AGAP1: variants seen among roughly 807,000 people sequenced by gnomAD.
AGAP1 encodes ArfGAP with GTPase domain, ankyrin repeat and PH domain 1, also known as arf-GAP with GTPase, ANK repeat and PH domain-containing protein 1.
AGAP1 carries 29 observed loss-of-function variants against 105.3 expected under a neutral mutation model. The ratio of observed to expected loss-of-function variants is 0.28; its 90% CI spans 0.21 to 0.38. The LOEUF is 0.38. AGAP1 is among the 10% of genes least tolerant of loss of function. AGAP1 has a pLI of 1.00. For synonymous variants in AGAP1, 509 were observed against 485.9 expected (o/e 1.05, Z -0.63); for missense variants, 998 against 1,165.1 (o/e 0.86, Z 2.09).
chr2:236,094,139 C>A (rs148278230), intron 16 of AGAP1, among the ~76,000 whole-genome samples: 98 of 152,234 alleles, frequency 6.4e-4, no homozygotes, highest in African/African-American at 2.2e-3. Flanking sequence ...CGAACAACTT[C>A]AGTCTTTTGA....
rs914691196 is a variant in AGAP1, at chr2:235,690,929, G to A, written c.164-18250G>A. ...TCGGATCTGGCCTGAGGGTTTGGCA[G>A]GGATTCGTGGCTGCTATTTTAGATA... is the stretch of plus-strand genomic sequence containing the variant. On this transcript the variant is annotated intron_variant, in intron 1 of 17. Transcript: ENST00000304032. The surrounding 1 kb of genome is among the most constrained non-coding windows in gnomAD (Gnocchi z 4.1). 6.6e-5 allele frequency among the ~76,000 whole-genome samples: 10 copies of A among 152,170 alleles called. No individual in the cohort carries two copies. Among genetic ancestry groups the A allele is most frequent in the African/African-American group, 2.4e-4 (10 of 41,450 alleles).
rs2051246689 is a variant in AGAP1, at chr2:235,905,214, A to C, written c.1156-3524A>C. ...GCTTAGTCACTATCTGATTAGCCTC[A>C]TTTTAGAGCCCATAAGCAATAAATG... On this transcript the variant is annotated intron_variant, in intron 10 of 17. Coordinates refer to ENST00000304032, the MANE Select transcript of AGAP1 (RefSeq NM_001037131.3). This position sits in a 1 kb window ranked among gnomAD's most constrained non-coding sequence, Gnocchi z 4.2. Among the ~76,000 whole-genome samples the C allele has an allele frequency of 6.6e-6, 1 of 152,220 alleles. No homozygotes were observed. Among genetic ancestry groups the C allele is most frequent in the Non-Finnish European group, 1.5e-5 (1 of 68,038 alleles).
chr2:235,546,268 C>T (rs895351924), intron 1 of AGAP1, among the ~76,000 whole-genome samples: 10 of 152,196 alleles, frequency 6.6e-5, no homozygotes, highest in Admixed American at 3.9e-4. Flanking sequence ...CCAGCAGGCC[C>T]GCAGGCCCTC....
Position 235,882,982 on chromosome 2 carries a change from T to G in AGAP1, c.1051-363T>G, listed in dbSNP as rs919071519. On this transcript the variant is annotated intron_variant, in intron 9 of 17. Coordinates refer to ENST00000304032, the MANE Select transcript of AGAP1 (RefSeq NM_001037131.3). This position sits in a 1 kb window ranked among gnomAD's most constrained non-coding sequence, Gnocchi z 4.6. ...AGCACACCACCGTGCCCAGCTAATT[T>G]TATTTATTTATTTATTTTTTTAGAG... Among the ~76,000 whole-genome samples, 2 of 151,030 alleles carry G rather than the reference T, an allele frequency of 1.3e-5. No individual in the cohort carries two copies. The highest frequency in any genetic ancestry group is 3.0e-5 in the Non-Finnish European group (2 of 67,482).
intron 1 of AGAP1, among the ~76,000 whole-genome samples, chr2:235,603,886 G>A (rs1705924922): frequency 1.3e-5 from 2 of 152,150 alleles, no homozygotes; most frequent in African/African-American, 4.8e-5. Flanking sequence ...AGAAAGGAAT[G>A]CGTCCATCAG....
At chr2:235,534,151 T>G (rs1943133658) in intron 1 of AGAP1, among the ~76,000 whole-genome samples, 1 of 152,138 alleles carries the variant, frequency 6.6e-6, no homozygotes, top group Non-Finnish European at 1.5e-5. Context: ...CAGCGTGGCG[T>G]GTTCGGATTG....
At chr2:235,774,858 C>G (rs1211398192) in intron 6 of AGAP1, among the ~76,000 whole-genome samples, 1 of 152,168 alleles carries the variant, frequency 6.6e-6, no homozygotes, top group Non-Finnish European at 1.5e-5. Flanking sequence ...TGATTGGCGC[C>G]TGCATTCACT....
intron 13 of AGAP1, among the ~76,000 whole-genome samples, chr2:235,998,486 CT>C (rs2055911923): frequency 1.3e-5 from 2 of 152,166 alleles, no homozygotes; most frequent in African/African-American, 2.4e-5. Flanking sequence ...CAACCTAGTT[CT>C]TACACCTCTG....
Position 236,126,064 on chromosome 2 carries a change from A to C in AGAP1, c.*1942A>C, listed in dbSNP as rs940577233. ...AAAAAATTAAAGTAGGTGGGGAAAA[A>C]AATAAAGCTTTACACAGAATTTATA... On this transcript the variant is annotated 3_prime_UTR_variant, in exon 18 of 18. Transcript: ENST00000304032. 2.0e-5 allele frequency: 3 copies of C among 152,172 alleles called. No homozygotes were observed. Among genetic ancestry groups the C allele is most frequent in the Non-Finnish European group, 4.4e-5 (3 of 68,028 alleles). The allele number at this position is 152,172 out of a possible 1,614,324, so 9.4% of individuals were successfully genotyped here.
At chr2:235,896,770 A>G (rs2050826448) in intron 10 of AGAP1, among the ~76,000 whole-genome samples, 1 of 152,264 alleles carries the variant, frequency 6.6e-6, no homozygotes, top group African/African-American at 2.4e-5. Flanking sequence ...TTAGGCCGCC[A>G]TAAAAGTAGA....
chr2:235,881,433 G>A (rs2050019640), intron 9 of AGAP1, among the ~76,000 whole-genome samples: 1 of 152,168 alleles, frequency 6.6e-6, no homozygotes, highest in East Asian at 1.9e-4. Context: ...TAACTAGCCT[G>A]AGTCTTACGC....
At chr2:235,826,245 A>G (rs1228778955) in intron 9 of AGAP1, among the ~76,000 whole-genome samples, 2 of 152,168 alleles carry the variant, frequency 1.3e-5, no homozygotes, top group African/African-American at 4.8e-5. Context: ...AGGGTGACCT[A>G]GTTTTCCTCA....
intron 1 of AGAP1, among the ~76,000 whole-genome samples, chr2:235,671,258 G>A (rs566491762): frequency 6.6e-6 from 1 of 152,332 alleles, no homozygotes; most frequent in African/African-American, 2.4e-5. Flanking sequence ...GGCTGTGCGT[G>A]CTGGTGCCCC....
chr2:235,806,670 AT>A (rs1167831543), intron 8 of AGAP1, among the ~76,000 whole-genome samples: 2 of 151,988 alleles, frequency 1.3e-5, no homozygotes, highest in African/African-American at 2.4e-5. Context: ...CCCCTTCATT[AT>A]TTTTTGTGGT....
intron 1 of AGAP1, among the ~76,000 whole-genome samples, chr2:235,515,899 G>A (rs751956438): frequency 6.6e-6 from 1 of 152,158 alleles, no homozygotes; most frequent in Non-Finnish European, 1.5e-5. Flanking sequence ...GGGGTGAGGG[G>A]AGCTCAGCAA....
At chr2:235,710,449 G>A (rs527560639) in intron 2 of AGAP1, among the ~76,000 whole-genome samples, 11 of 152,260 alleles carry the variant, frequency 7.2e-5, no homozygotes, top group South Asian at 4.2e-4. Flanking sequence ...CATCCCCACC[G>A]CAACCGCGGG....
In AGAP1 at chr2:235,655,952, C is replaced by T. The variant is rs571819510; in HGVS notation, c.164-53227C>T. 6.6e-6 allele frequency among the ~76,000 whole-genome samples: 1 copy of T among 152,212 alleles called. No individual in the cohort carries two copies. The highest frequency in any genetic ancestry group is 2.1e-4 in the South Asian group (1 of 4,812). On this transcript the variant is annotated intron_variant, in intron 1 of 17. Transcript: ENST00000304032. This position sits in a 1 kb window ranked among gnomAD's most constrained non-coding sequence, Gnocchi z 4.3. ...TGTGGCAAGGCAGTTGTTGGAGCTC[C>T]GATACTTCCAATAAGTAACTAGCAG...
intron 8 of AGAP1, among the ~76,000 whole-genome samples, chr2:235,803,400 C>T (rs1410307244): frequency 6.6e-6 from 1 of 152,202 alleles, no homozygotes; most frequent in African/African-American, 2.4e-5. Flanking sequence ...ATAGACTCTT[C>T]ATCCCTGGCA....
chr2:235,604,443 G>A (rs1023487368), intron 1 of AGAP1, among the ~76,000 whole-genome samples: 2 of 150,070 alleles, frequency 1.3e-5, no homozygotes, highest in Non-Finnish European at 2.9e-5. Flanking sequence ...GATTGTGCCA[G>A]TGCACTTCAG....
Sources: allele counts gnomAD v4.1 joint callset (sites outside exome capture counted in the v4.1 genomes callset), GRCh38; gene constraint gnomAD v4.1.1; non-coding constraint Gnocchi (gnomAD v3.1); transcripts MANE v1.5; gene names NCBI Gene and HGNC (gene_info 2026-07-23, HGNC 2026-07-21).